Variants in DAB1 observed in about 807,000 individuals in gnomAD.
The protein encoded by DAB1 is disabled homolog 1.
A neutral mutation model predicts 64.6 loss-of-function variants in DAB1; 15 were observed. That is an observed-to-expected ratio of 0.23 (90% CI 0.16 to 0.36). The LOEUF is 0.36. Ranked by LOEUF, DAB1 falls within the 10% of genes least tolerant of loss-of-function variation. The pLI, the probability that DAB1 is intolerant of heterozygous loss-of-function variation, is 1.00. For missense variants in DAB1, 596 were observed against 706.7 expected, an observed-to-expected ratio of 0.84 and a Z score of 1.78; for synonymous variants, 235 against 251.9, an observed-to-expected ratio of 0.93 and a Z score of 0.64.
chr1:57,027,526 G>A (rs1646830959), intron 9 of DAB1, among the ~76,000 whole-genome samples: 1 of 152,008 alleles, frequency 6.6e-6, no homozygotes, highest in African/African-American at 2.4e-5. Flanking sequence ...TTACTGCCTG[G>A]ACCGCTGGGC....
chr1:58,498,356 G>A (rs1354770309), intron 3 of DAB1, among the ~76,000 whole-genome samples: 1 of 151,910 alleles, frequency 6.6e-6, no homozygotes, highest in African/African-American at 2.4e-5. Context: ...CTCATGAGAG[G>A]TTTAAATTTT....
intron 7 of DAB1, among the ~76,000 whole-genome samples, chr1:57,621,768 T>C (rs1417131965): frequency 1.3e-5 from 2 of 152,244 alleles, no homozygotes; most frequent in Non-Finnish European, 2.9e-5. Context: ...AAAGTACTAA[T>C]GCTTCCCTCA....
rs74076048 is a variant in DAB1, at chr1:58,075,602, G to C, written n.387+74909C>G. ...ATCTTGATTTGTGTATGGAATGTTT[G>C]TTACTGCAGCATAAATTAAGCTGTC... On this transcript the variant is annotated intron_variant and non_coding_transcript_variant, in intron 5 of 20. Transcript: ENST00000485760. 4.9e-3 allele frequency among the ~76,000 whole-genome samples: 751 copies of C among 152,340 alleles called. 4 individuals are homozygous for C. Among genetic ancestry groups the C allele is most frequent in the African/African-American group, 0.017 (723 of 41,578 alleles).
intron 7 of DAB1, among the ~76,000 whole-genome samples, chr1:57,608,270 T>G (rs1320287994): frequency 6.6e-6 from 1 of 152,106 alleles, no homozygotes. Context: ...CCTCTCTGGG[T>G]AAGTGTCTTC....
chr1:57,622,808 A>G (rs1645876518), intron 7 of DAB1, among the ~76,000 whole-genome samples: 1 of 152,230 alleles, frequency 6.6e-6, no homozygotes, highest in Non-Finnish European at 1.5e-5. Context: ...CCTAGAATAT[A>G]GACAGTGTTT....
chr1:58,437,937 G>A (rs994019140), intron 3 of DAB1, among the ~76,000 whole-genome samples: 1 of 152,174 alleles, frequency 6.6e-6, no homozygotes, highest in African/African-American at 2.4e-5. Flanking sequence ...CATGCAGGGG[G>A]ATCACACCTT....
chr1:57,430,521 G>A (rs1301458331), intron 7 of DAB1, among the ~76,000 whole-genome samples: 2 of 151,970 alleles, frequency 1.3e-5, no homozygotes, highest in Admixed American at 6.6e-5. Flanking sequence ...GACCACAGGC[G>A]CCCGCCACCA....
chr1:58,137,373 C>G (rs1180587299), intron 5 of DAB1, among the ~76,000 whole-genome samples: 1 of 152,212 alleles, frequency 6.6e-6, no homozygotes, highest in Non-Finnish European at 1.5e-5. Context: ...CCCATTACAC[C>G]ACTTCTCAGC....
chr1:57,452,958 C>T (rs1686446560), intron 7 of DAB1, among the ~76,000 whole-genome samples: 1 of 144,198 alleles, frequency 6.9e-6, no homozygotes, highest in Non-Finnish European at 1.5e-5. Flanking sequence ...GGGAGGAAGA[C>T]AGAAAGGAAG....
At chr1:57,761,378 A>G (rs986119065) in intron 6 of DAB1, among the ~76,000 whole-genome samples, 1 of 152,218 alleles carries the variant, frequency 6.6e-6, no homozygotes, top group Non-Finnish European at 1.5e-5. Context: ...ATTTAAGGAA[A>G]TTATAAAATC....
intron 3 of DAB1, among the ~76,000 whole-genome samples, chr1:57,142,623 C>CAT (rs1658716948): frequency 6.6e-6 from 1 of 150,860 alleles, no homozygotes; most frequent in Non-Finnish European, 1.5e-5. Context: ...CACACACACA[C>CAT]ACACACATAC....
chr1:57,993,782 T>C (rs551205219), intron 5 of DAB1, among the ~76,000 whole-genome samples: 130 of 152,248 alleles, frequency 8.5e-4, no homozygotes, highest in Non-Finnish European at 1.6e-3. Flanking sequence ...TAGACCCTTA[T>C]TCAAAGGTTT....
At chr1:57,306,319 A>G (rs1467785349) in intron 1 of DAB1, among the ~76,000 whole-genome samples, 1 of 152,206 alleles carries the variant, frequency 6.6e-6, no homozygotes, top group East Asian at 1.9e-4. Context: ...ACCTGAAGGC[A>G]TAGATGGTCT....
intron 7 of DAB1, among the ~76,000 whole-genome samples, chr1:57,607,757 A>C (rs1645674776): frequency 6.6e-6 from 1 of 152,192 alleles, no homozygotes; most frequent in Non-Finnish European, 1.5e-5. Flanking sequence ...GAACTAACAA[A>C]AAGACAGAGG....
intron 3 of DAB1, among the ~76,000 whole-genome samples, chr1:58,443,673 T>G (rs1462480423): frequency 2.0e-5 from 3 of 152,210 alleles, no homozygotes; most frequent in Non-Finnish European, 4.4e-5. Flanking sequence ...TTTGCAATCT[T>G]TCTGCAAATC....
chr1:57,762,195 G>A (rs1265198020), intron 6 of DAB1, among the ~76,000 whole-genome samples: 1 of 152,014 alleles, frequency 6.6e-6, no homozygotes, highest in Non-Finnish European at 1.5e-5. Context: ...GATTCCTCTG[G>A]TCCAGGTATT....
At chr1:57,998,517 C>T (rs1646461488) in intron 5 of DAB1, among the ~76,000 whole-genome samples, 1 of 151,856 alleles carries the variant, frequency 6.6e-6, no homozygotes, top group Non-Finnish European at 1.5e-5. Flanking sequence ...GCGCACACCA[C>T]CACACCCAGC....
intron 7 of DAB1, among the ~76,000 whole-genome samples, chr1:57,612,195 T>TTGTGTGTGTGTG (rs58605325): frequency 0.024 from 3,602 of 149,628 alleles, 108 homozygotes; most frequent in African/African-American, 0.069. Flanking sequence ...TGGCATGATC[T>TTGTGTGTGTGTG]TGTGTGTGTG....
intron 11 of DAB1, among the ~76,000 whole-genome samples, chr1:57,022,870 T>C (rs965445042): frequency 2.0e-5 from 3 of 152,282 alleles, no homozygotes; most frequent in African/African-American, 7.2e-5. Flanking sequence ...GAACGCCTCA[T>C]GCCATGGAAA....
Sources: gnomAD v4.1 joint callset for allele counts (sites outside exome capture counted in the v4.1 genomes callset) on GRCh38, gnomAD v4.1.1 for gene constraint, MANE v1.5 for transcripts, NCBI Gene and HGNC (gene_info 2026-07-23, HGNC 2026-07-21) for gene names.